The following SAMD5 variants were observed in gnomAD, a reference collection of about 807,000 sequenced individuals.
SAMD5 encodes the protein sterile alpha motif domain containing 5, also known as sterile alpha motif domain-containing protein 5.
Under a neutral mutation model 11.3 loss-of-function variants are expected in SAMD5, and 13 were observed. That is an observed-to-expected ratio of 1.15 (90% CI 0.75 to 1.83). SAMD5 has a LOEUF of 1.83. Among genes scored for constraint, SAMD5 ranks in the 40% most tolerant of loss-of-function variants. The pLI is 0.00. For synonymous variants in SAMD5, 129 were observed against 111.3 expected (o/e 1.16, Z -1.00); for missense variants, 255 against 239.1 (o/e 1.07, Z -0.44).
At chr6:147,591,579 A>C (rs844574) in intron 1 of SAMD5, among the ~76,000 whole-genome samples, 108,816 of 151,938 alleles carry the variant, frequency 0.72, 39,407 homozygotes, top group African/African-American at 0.81. Flanking sequence ...TCCTCATGAC[A>C]AACTTACATC....
intron 1 of SAMD5, among the ~76,000 whole-genome samples, chr6:147,666,535 T>C (rs1218623196): frequency 1.3e-5 from 2 of 152,196 alleles, no homozygotes; most frequent in African/African-American, 4.8e-5. Context: ...TTTCTTAAAC[T>C]ACTTTAGAAA....
the SAMD5 span, among the ~76,000 whole-genome samples, chr6:147,774,192 A>G: frequency 6.6e-6 from 1 of 152,104 alleles, no homozygotes; most frequent in Admixed American, 6.5e-5. Flanking sequence ...CTCTACTCCT[A>G]CAATTTATTC....
chr6:147,662,161 T>A (rs576713969), intron 1 of SAMD5, among the ~76,000 whole-genome samples: 4,743 of 152,304 alleles, frequency 0.031, 253 homozygotes, highest in African/African-American at 0.11. Context: ...CATGTTTCTT[T>A]GGTGTAATGA....
the SAMD5 span, among the ~76,000 whole-genome samples, chr6:147,878,714 A>G: frequency 6.6e-6 from 1 of 151,040 alleles, no homozygotes; most frequent in African/African-American, 2.4e-5. Context: ...TCTAGCATAT[A>G]TCTCTGTATA....
chr6:147,566,607 C>A lies in SAMD5; in HGVS notation c.*2151C>A. 1 of 979,528 alleles carries A rather than the reference C, an allele frequency of 1.0e-6. No individual in the cohort carries two copies. The highest frequency in any genetic ancestry group is 1.2e-6 in the Non-Finnish European group (1 of 824,206). The allele number at this position is 979,528 out of a possible 1,614,324, so 60.7% of individuals were successfully genotyped here. On this transcript the variant is annotated 3_prime_UTR_variant, in exon 2 of 2. Transcript: ENST00000367474. ...GTTTTATTTTCTATTAGAGTAATAT[C>A]TAACTTCAATTATTTTGCCAGGTTT... is the stretch of plus-strand genomic sequence containing the variant.
At chr6:147,572,855 GGATATATTT>G (rs957648017), downstream of SAMD5, among the ~76,000 whole-genome samples, 153 of 152,012 alleles carry the variant, frequency 1.0e-3, no homozygotes, top group African/African-American at 3.6e-3. Context: ...ATCCCCTTTT[GGATATATTT>G]GATATAAATT....
At chr6:147,734,181 GT>G (rs1349725514) in intron 1 of SAMD5, among the ~76,000 whole-genome samples, 2 of 152,140 alleles carry the variant, frequency 1.3e-5, no homozygotes, top group Non-Finnish European at 2.9e-5. Flanking sequence ...AGTGGTTTTA[GT>G]TTTTATGTGT....
chr6:147,746,805 A>G, the SAMD5 span, among the ~76,000 whole-genome samples: 1 of 152,222 alleles, frequency 6.6e-6, no homozygotes, highest in African/African-American at 2.4e-5. Flanking sequence ...TTTACTAAAC[A>G]TCTCGAACGT....
the SAMD5 span, among the ~76,000 whole-genome samples, chr6:147,913,357 T>C: frequency 6.6e-6 from 1 of 152,074 alleles, no homozygotes; most frequent in South Asian, 2.1e-4. Flanking sequence ...TTAAATGTAT[T>C]ATAGGATTGA....
chr6:147,532,573 A>G (rs1788445996), intron 1 of SAMD5, among the ~76,000 whole-genome samples: 1 of 152,194 alleles, frequency 6.6e-6, no homozygotes, highest in Non-Finnish European at 1.5e-5. Flanking sequence ...TGCAATTGCA[A>G]ATTGTGCTGC....
At chr6:147,850,075 G>A in the SAMD5 span, among the ~76,000 whole-genome samples, 1 of 152,104 alleles carries the variant, frequency 6.6e-6, no homozygotes, top group Non-Finnish European at 1.5e-5. Context: ...AACTTGACTT[G>A]CATTCCTTTA....
At chr6:147,755,313 C>T in the SAMD5 span, among the ~76,000 whole-genome samples, 8 of 151,836 alleles carry the variant, frequency 5.3e-5, no homozygotes, top group Non-Finnish European at 1.0e-4. Flanking sequence ...TAATTTTATG[C>T]GTGGCTATAG....
At chr6:147,657,980 C>A (rs17077171) in intron 1 of SAMD5, among the ~76,000 whole-genome samples, 3 of 152,108 alleles carry the variant, frequency 2.0e-5, no homozygotes, top group African/African-American at 7.2e-5. Flanking sequence ...TTGTATTGAT[C>A]TTTGCATTTT....
chr6:147,549,819 A>G (rs1788740874), intron 1 of SAMD5, among the ~76,000 whole-genome samples: 1 of 152,134 alleles, frequency 6.6e-6, no homozygotes, highest in Non-Finnish European at 1.5e-5. Context: ...GGAGGATTAT[A>G]CTGTACATTT....
chr6:147,545,812 A>G (rs996818844), intron 1 of SAMD5, among the ~76,000 whole-genome samples: 2 of 152,212 alleles, frequency 1.3e-5, no homozygotes, highest in Admixed American at 6.5e-5. Context: ...TATTTTATGT[A>G]AGACAGAAAT....
At chr6:147,540,834 C>T (rs1788589233) in intron 1 of SAMD5, among the ~76,000 whole-genome samples, 1 of 151,552 alleles carries the variant, frequency 6.6e-6, no homozygotes, top group African/African-American at 2.4e-5. Context: ...TGCCAGCATA[C>T]CAGGTTTCCG....
chr6:147,736,998 A>G (rs1181674823), intron 1 of SAMD5, among the ~76,000 whole-genome samples: 1 of 152,206 alleles, frequency 6.6e-6, no homozygotes, highest in African/African-American at 2.4e-5. Context: ...ATTAAAAAAC[A>G]AAGATAAATC....
intron 1 of SAMD5, among the ~76,000 whole-genome samples, chr6:147,543,134 G>A (rs1788631839): frequency 1.3e-5 from 2 of 152,060 alleles, no homozygotes; most frequent in Admixed American, 1.3e-4. Context: ...GTTTTTTTAA[G>A]CCACTGAACC....
At chr6:147,605,538 A>G (rs1789686651) in intron 1 of SAMD5, among the ~76,000 whole-genome samples, 1 of 152,216 alleles carries the variant, frequency 6.6e-6, no homozygotes, top group African/African-American at 2.4e-5. Context: ...ATGCTTGGAA[A>G]AGAAATACTT....
Sources: gnomAD v4.1 joint callset for allele counts (sites outside exome capture counted in the v4.1 genomes callset) on GRCh38, gnomAD v4.1.1 for gene constraint, MANE v1.5 for transcripts, NCBI Gene and HGNC (gene_info 2026-07-23, HGNC 2026-07-21) for gene names.